Variants in PTPRO observed in about 807,000 individuals in gnomAD.
PTPRO encodes the protein receptor-type tyrosine-protein phosphatase O.
In PTPRO, 62 loss-of-function variants were observed where a neutral mutation model predicts 145.2. The observed-to-expected ratio is 0.43, with a 90% CI of 0.35 to 0.53. The LOEUF is 0.53. Among genes scored for constraint, PTPRO ranks in the 20% least tolerant of loss-of-function variants. The pLI is 0.01. For missense variants in PTPRO, 1,345 were observed against 1,482.7 expected, an observed-to-expected ratio of 0.91 and a Z score of 1.53; for synonymous variants, 565 against 514.7, an observed-to-expected ratio of 1.10 and a Z score of -1.32.
At chr12:15,540,194 A>G (rs1406010554) in intron 12 of PTPRO, among the ~76,000 whole-genome samples, 4 of 152,212 alleles carry the variant, frequency 2.6e-5, no homozygotes, top group African/African-American at 9.6e-5. Flanking sequence ...TAGTTTCTGC[A>G]GTCCACACTG....
chr12:15,393,769 T>TG (rs1939258714), intron 1 of PTPRO, among the ~76,000 whole-genome samples: 1 of 152,148 alleles, frequency 6.6e-6, no homozygotes. Flanking sequence ...TTAGTCAGCT[T>TG]TCTGTTGCTA....
rs1258674361 is a variant in PTPRO at position 15,551,661 on chromosome 12, C to A, written c.2548C>A (p.Gln850Lys). The A allele has an allele frequency of 2.5e-6, 4 of 1,613,354 alleles. No homozygotes were observed. Among genetic ancestry groups the A allele is most frequent in the African/African-American group, 1.3e-5 (1 of 74,996 alleles). The change falls in exon 15 of 27, where the codon CAG becomes AAG. Residue 850 changes from glutamine to lysine, a missense_variant. Gln to Lys is a moderately conservative substitution (Grantham distance 53). Coordinates refer to ENST00000281171, the MANE Select transcript of PTPRO (RefSeq NM_030667.3). ...TLIILRKKHL[Q>K]MARECGAGTF... Reference sequence around the variant, plus strand: ...CATTATTCTTAGGAAAAAGCATCTGCAGATGGCTAGGTAAGTTAAGTTTTA... The same window carrying A: ...CATTATTCTTAGGAAAAAGCATCTGAAGATGGCTAGGTAAGTTAAGTTTTA...
chr12:15,440,206 C>T, intron 1 of PTPRO: 1 of 668,252 alleles, frequency 1.5e-6, no homozygotes. Context: ...TAGCCAGGGG[C>T]TGCACTGCCA....
intron 1 of PTPRO, among the ~76,000 whole-genome samples, chr12:15,455,243 A>G: frequency 6.6e-6 from 1 of 151,930 alleles, no homozygotes; most frequent in East Asian, 1.9e-4. Flanking sequence ...TATCCATCAG[A>G]TCTCTGCTGA....
intron 3 of PTPRO, among the ~76,000 whole-genome samples, chr12:15,498,603 G>T (rs1363300208): frequency 1.3e-5 from 2 of 151,990 alleles, no homozygotes; most frequent in Non-Finnish European, 2.9e-5. Context: ...CAGTGAATTT[G>T]GTTTTTTTAA....
At chr12:15,557,086 G>A (rs1943650509) in intron 15 of PTPRO, among the ~76,000 whole-genome samples, 1 of 150,820 alleles carries the variant, frequency 6.6e-6, no homozygotes, top group Non-Finnish European at 1.5e-5. Flanking sequence ...TGTCACCCAG[G>A]CTGGAGTGCG....
At position 15,506,902 on chromosome 12, in the gene PTPRO, C is replaced by T. The variant is rs142658485; in HGVS notation, c.1268-1669C>T. ...AACTCATTTGTCCAAAGTTGCACCACTAATAATGACCAAACTGAGTCTTAG... is the reference window on the plus strand; with the variant it reads ...AACTCATTTGTCCAAAGTTGCACCATTAATAATGACCAAACTGAGTCTTAG... On this transcript the variant is annotated intron_variant, in intron 6 of 26. Coordinates refer to ENST00000281171, the MANE Select transcript of PTPRO (RefSeq NM_030667.3). Among the ~76,000 whole-genome samples, 150 of 152,280 alleles carry T rather than the reference C, an allele frequency of 9.9e-4. 1 individual carries two copies. The highest frequency in any genetic ancestry group is 3.2e-3 in the African/African-American group (133 of 41,560).
At chr12:15,399,761 A>T (rs1229771293) in intron 1 of PTPRO, among the ~76,000 whole-genome samples, 1 of 152,020 alleles carries the variant, frequency 6.6e-6, no homozygotes, top group African/African-American at 2.4e-5. Context: ...CAGAATCAAA[A>T]GACCTTTGGC....
rs143785642 is a variant in PTPRO, at chr12:15,325,894, CCTT to C, written c.75+3097_75+3099del. ...CTAAACTCAAGTGCTTGGCGTGTGT[CCTT>C]CTTTTTTAACCCCTTCTCTCTATTT... On this transcript the variant is annotated intron_variant, in intron 1 of 26. Coordinates refer to ENST00000281171, the MANE Select transcript of PTPRO (RefSeq NM_030667.3). 1.4e-4 allele frequency among the ~76,000 whole-genome samples: 21 copies of C among 152,252 alleles called. No individual in the cohort carries two copies. In the East Asian group the frequency reaches 3.9e-3, roughly 28 times the overall value.
chr12:15,510,528 T>G (rs1292084249), intron 7 of PTPRO, among the ~76,000 whole-genome samples: 2 of 152,220 alleles, frequency 1.3e-5, no homozygotes, highest in South Asian at 2.1e-4. Context: ...AGATAGATAT[T>G]GTAAATTATC....
chr12:15,390,543 C>T (rs1379372122), intron 1 of PTPRO, among the ~76,000 whole-genome samples: 2 of 151,956 alleles, frequency 1.3e-5, no homozygotes, highest in East Asian at 1.9e-4. Flanking sequence ...TCCCACAACA[C>T]GCGGGAATTA....
intron 8 of PTPRO, among the ~76,000 whole-genome samples, chr12:15,516,271 G>T (rs373980005): frequency 6.8e-6 from 1 of 147,904 alleles, no homozygotes; most frequent in Non-Finnish European, 1.5e-5. Context: ...ACAGGCATGA[G>T]CCACCACACC....
chr12:15,506,433 A>T lies in PTPRO; in HGVS notation c.1268-2138A>T, dbSNP rs76406925. On this transcript the variant is annotated intron_variant, in intron 6 of 26. Coordinates refer to ENST00000281171, the MANE Select transcript of PTPRO (RefSeq NM_030667.3). ...TCAGCAAATGTGTTAGTCCATATTT[A>T]CACTACTATAAAGAACTACTTGAGA... 3.8e-3 allele frequency among the ~76,000 whole-genome samples: 578 copies of T among 152,348 alleles called. 17 individuals are homozygous for T. The East Asian group carries it at 0.08, about 21-fold the overall frequency.
chr12:15,533,798 T>C lies in PTPRO; in HGVS notation c.2164+7536T>C, dbSNP rs971135163. On this transcript the variant is annotated intron_variant, in intron 12 of 26. Coordinates refer to ENST00000281171, the MANE Select transcript of PTPRO (RefSeq NM_030667.3). ...ACAGATTTTTCAGAGCATGTTTGAA[T>C]CAGAATGCCATTGTTAAAGCTGGGG... Among the ~76,000 whole-genome samples the C allele has an allele frequency of 2.6e-5, 4 of 152,298 alleles. No individual in the cohort carries two copies. In the East Asian group the frequency reaches 5.8e-4, roughly 22 times the overall value.
rs201534391 is a variant in PTPRO at position 15,513,142 on chromosome 12, A to AT, written c.1465-2356_1465-2355insT. Among the ~76,000 whole-genome samples, 47 of 31,522 alleles carry AT rather than the reference A, an allele frequency of 1.5e-3. 5 individuals are homozygous for AT. Among genetic ancestry groups the AT allele is most frequent in the Admixed American group, 3.9e-3 (9 of 2,318 alleles). The allele number at this position is 31,522 out of a possible 152,430, so 20.7% of individuals were successfully genotyped here. Reference sequence around the variant, plus strand: ...AAGGAAGGAAGGAAGGAAGGAAGGAAGAAAGAAAGAAAGAAAAAGAAAGAA... The same window carrying AT: ...AAGGAAGGAAGGAAGGAAGGAAGGAATGAAAGAAAGAAAGAAAAAGAAAGAA... On this transcript the variant is annotated intron_variant, in intron 7 of 26. Transcript: ENST00000281171.
At chr12:15,427,785 T>C (rs1940323619) in intron 1 of PTPRO, among the ~76,000 whole-genome samples, 1 of 151,004 alleles carries the variant, frequency 6.6e-6, no homozygotes, top group Non-Finnish European at 1.5e-5. Flanking sequence ...TCTTAGGTTA[T>C]TTCTTTTTCA....
chr12:15,524,547 T>C (rs1169510084), intron 10 of PTPRO, among the ~76,000 whole-genome samples: 1 of 152,210 alleles, frequency 6.6e-6, no homozygotes, highest in Non-Finnish European at 1.5e-5. Context: ...TGGTGACATT[T>C]ATCCAAAAGA....
intron 17 of PTPRO, among the ~76,000 whole-genome samples, chr12:15,560,525 T>C (rs1346083457): frequency 6.6e-6 from 1 of 152,114 alleles, no homozygotes; most frequent in African/African-American, 2.4e-5. Context: ...TATTTGTTTC[T>C]TCATTGAGTC....
At chr12:15,400,538 C>G (rs1344200080) in intron 1 of PTPRO, among the ~76,000 whole-genome samples, 1 of 152,146 alleles carries the variant, frequency 6.6e-6, no homozygotes. Context: ...TAGTTCATTC[C>G]TACTCCACAA....
Sources: gnomAD v4.1 joint callset for allele counts (sites outside exome capture counted in the v4.1 genomes callset) on GRCh38, gnomAD v4.1.1 for gene constraint, MANE v1.5 for transcripts, NCBI Gene and HGNC (gene_info 2026-07-23, HGNC 2026-07-21) for gene names.